The following MAPKAP1 variants were observed in gnomAD, a reference collection of about 807,000 sequenced individuals.
MAPKAP1 encodes MAPK associated protein 1.
Under a neutral mutation model 65.7 loss-of-function variants are expected in MAPKAP1, and 20 were observed. The ratio of observed to expected loss-of-function variants is 0.30; its 90% CI spans 0.21 to 0.44. The LOEUF (loss-of-function observed/expected upper bound fraction) is 0.44, where lower values mean the gene tolerates loss of function less well. Ranked by LOEUF, MAPKAP1 falls within the 20% of genes least tolerant of loss-of-function variation. MAPKAP1 has a pLI of 1.00. For missense variants in MAPKAP1, 423 were observed against 648.0 expected (o/e 0.65, Z 3.77); for synonymous variants, 222 against 244.3 (o/e 0.91, Z 0.85).
At chr9:125,625,744 G>A (rs1223845919) in intron 4 of MAPKAP1, among the ~76,000 whole-genome samples, 4 of 152,112 alleles carry the variant, frequency 2.6e-5, no homozygotes, top group East Asian at 1.9e-4. Context: ...GCAGTGAGCC[G>A]AGATTGCACC....
At chr9:125,524,756 C>A (rs1829715346) in intron 7 of MAPKAP1, among the ~76,000 whole-genome samples, 1 of 152,242 alleles carries the variant, frequency 6.6e-6, no homozygotes. Flanking sequence ...CAGTTCCTGT[C>A]TCCTTCAGCT....
chr9:125,600,217 G>GAA (rs58655238), intron 4 of MAPKAP1, among the ~76,000 whole-genome samples: 2 of 103,478 alleles, frequency 1.9e-5, no homozygotes. Flanking sequence ...AAGTATGAAG[G>GAA]AAAAAAAAAA....
At chr9:125,526,237 C>T (rs1471940271) in intron 7 of MAPKAP1, among the ~76,000 whole-genome samples, 4 of 152,186 alleles carry the variant, frequency 2.6e-5, no homozygotes, top group Non-Finnish European at 5.9e-5. Flanking sequence ...CTGTACCTCT[C>T]CACAGAAGTT....
At chr9:125,669,019 A>C (rs968777941) in intron 3 of MAPKAP1, among the ~76,000 whole-genome samples, 1 of 152,158 alleles carries the variant, frequency 6.6e-6, no homozygotes, top group Non-Finnish European at 1.5e-5. Flanking sequence ...ATCTCTACTA[A>C]AAATACAAAA....
rs141179328 is a variant in MAPKAP1, at chr9:125,689,222, A to G, written c.-69-16579T>C. On this transcript the variant is annotated intron_variant, in intron 1 of 11. Coordinates refer to ENST00000265960, the MANE Select transcript of MAPKAP1 (RefSeq NM_001006617.3). The stretch of plus-strand genomic sequence containing the variant: ...GGAGGCCGAGGTGGGCGGATCACGA[A>G]GTCAGGAGATAGAGAACATCCTGGC... Among the ~76,000 whole-genome samples the G allele has an allele frequency of 2.6e-3, 387 of 149,534 alleles. 3 individuals carry two copies. The highest frequency in any genetic ancestry group is 9.2e-3 in the African/African-American group (372 of 40,526).
At chr9:125,657,932 A>G (rs1834077783) in intron 3 of MAPKAP1, 133 bp from the exon 4 acceptor site, 2 of 799,696 alleles carry the variant, frequency 2.5e-6, no homozygotes, top group Middle Eastern at 3.1e-4. Context: ...ACATGCAGAA[A>G]GCCCCACAAT....
At chr9:125,498,074 T>C (rs1828860944) in intron 8 of MAPKAP1, among the ~76,000 whole-genome samples, 1 of 152,198 alleles carries the variant, frequency 6.6e-6, no homozygotes, top group African/African-American at 2.4e-5. Flanking sequence ...CTGGTATGAT[T>C]CCAGCTTCTA....
At chr9:125,452,833 C>A (rs571376264) in intron 10 of MAPKAP1, among the ~76,000 whole-genome samples, 2 of 151,794 alleles carry the variant, frequency 1.3e-5, no homozygotes, top group African/African-American at 4.8e-5. Flanking sequence ...TGCAGTAAGG[C>A]GGAATCATGT....
At chr9:125,568,906 C>G in intron 5 of MAPKAP1, 1 of 182,980 alleles carries the variant, frequency 5.5e-6, no homozygotes, top group Non-Finnish European at 1.2e-5. Flanking sequence ...CAAACGGGTC[C>G]ATGAATGGTT....
intron 5 of MAPKAP1, among the ~76,000 whole-genome samples, chr9:125,582,793 AC>A (rs1160900129): frequency 2.6e-5 from 4 of 152,070 alleles, no homozygotes; most frequent in African/African-American, 9.7e-5. Flanking sequence ...TTGGTCCCAT[AC>A]CCTCATGTAG....
At position 125,444,560 on chromosome 9, in the gene MAPKAP1, C is replaced by T. The variant is rs1183923164; in HGVS notation, c.1384G>A (p.Asp462Asn). The T allele has an allele frequency of 1.9e-6, 3 of 1,613,838 alleles. No individual in the cohort carries two copies. Among genetic ancestry groups the T allele is most frequent in the Admixed American group, 1.7e-5 (1 of 59,966 alleles). The change falls in exon 11 of 12, where the codon GAC becomes AAC. Residue 462 changes from aspartate (D) to asparagine (N), a missense_variant. This residue lies in a region of MAPKAP1 where 185 missense variants were observed against 268.1 expected (regional missense o/e 0.69). Coordinates refer to ENST00000265960, the MANE Select transcript of MAPKAP1 (RefSeq NM_001006617.3). ...GATTCAAAGTAGAGGTGTTTATAGT[C>T]GTGATTGCTTAGATACGTGAGTTTA... is the stretch of plus-strand genomic sequence containing the variant. ...IFKLTYLSNH[D>N]YKHLYFESDA...
chr9:125,505,874 G>T (rs146140822), intron 8 of MAPKAP1: 120 of 180,098 alleles, frequency 6.7e-4, no homozygotes, highest in African/African-American at 2.7e-3. Flanking sequence ...AACAAGTTTT[G>T]AAGTTCTCAA....
intron 10 of MAPKAP1, among the ~76,000 whole-genome samples, chr9:125,450,321 A>G (rs985891139): frequency 1.3e-5 from 2 of 152,214 alleles, no homozygotes; most frequent in Non-Finnish European, 2.9e-5. Context: ...AAGACAGAGG[A>G]GAACCTCCAC....
At chr9:125,654,438 G>T (rs533505148) in intron 4 of MAPKAP1, among the ~76,000 whole-genome samples, 59 of 152,260 alleles carry the variant, frequency 3.9e-4, no homozygotes, top group African/African-American at 1.4e-3. Flanking sequence ...TCAGTAAACA[G>T]TTATTGATAA....
intron 10 of MAPKAP1, chr9:125,450,962 C>T (rs1852925194): frequency 6.6e-6 from 1 of 152,330 alleles, no homozygotes; most frequent in African/African-American, 2.4e-5. Flanking sequence ...AAAGGGAGTG[C>T]TCCTTCCCAA....
At chr9:125,638,865 T>C (rs1015436439) in intron 4 of MAPKAP1, among the ~76,000 whole-genome samples, 1 of 152,218 alleles carries the variant, frequency 6.6e-6, no homozygotes, top group African/African-American at 2.4e-5. Context: ...ATCACCACCT[T>C]TGGGGCCAAC....
intron 4 of MAPKAP1, chr9:125,596,312 T>C (rs1402776064): frequency 2.6e-6 from 2 of 760,930 alleles, no homozygotes; most frequent in African/African-American, 1.7e-5. Flanking sequence ...ATGACAACTT[T>C]GGTCATGGAG....
chr9:125,631,482 T>C (rs1191238598), intron 4 of MAPKAP1, among the ~76,000 whole-genome samples: 3 of 152,234 alleles, frequency 2.0e-5, no homozygotes, highest in African/African-American at 4.8e-5. Flanking sequence ...ACCCGGTTCC[T>C]AGTCTCTACC....
Position 125,572,486 on chromosome 9 carries a change from T to A in MAPKAP1, c.672-12677A>T, listed in dbSNP as rs1831264421. Among the ~76,000 whole-genome samples, 3 of 152,222 alleles carry A rather than the reference T, an allele frequency of 2.0e-5. No individual in the cohort carries two copies. The South Asian group carries it at 6.2e-4, about 31-fold the overall frequency. ...TTTGTCTTTAGTAAAAATGAAAAAC[T>A]GGAGAATGAAATATTATGTTTCAAG... On this transcript the variant is annotated intron_variant, in intron 5 of 11. Coordinates refer to ENST00000265960, the MANE Select transcript of MAPKAP1 (RefSeq NM_001006617.3).
Sources: allele counts gnomAD v4.1 joint callset (sites outside exome capture counted in the v4.1 genomes callset), GRCh38; gene constraint gnomAD v4.1.1; regional missense constraint gnomAD v4.1.1; transcripts MANE v1.5; gene names NCBI Gene and HGNC (gene_info 2026-07-23, HGNC 2026-07-21).